Variants in CR1L observed in about 807,000 individuals in gnomAD.
The protein encoded by CR1L is complement C3b/C4b receptor 1 like, also known as complement component receptor 1-like protein.
Under a neutral mutation model 62.3 loss-of-function variants are expected in CR1L, and 59 were observed. The observed-to-expected ratio is 0.95, with a 90% CI of 0.77 to 1.18. CR1L has a LOEUF of 1.18. CR1L is among the 50% of genes most tolerant of loss of function. The pLI, the probability that CR1L is intolerant of heterozygous loss-of-function variation, is 0.00. For missense variants in CR1L, 700 were observed against 702.8 expected (o/e 1.00, Z 0.04); for synonymous variants, 279 against 248.7 (o/e 1.12, Z -1.15).
intron 10 of CR1L, 79 bp downstream of exon 10, chr1:207,708,342 T>C: frequency 6.5e-7 from 1 of 1,533,368 alleles, no homozygotes; most frequent in Non-Finnish European, 9.0e-7. Context: ...AGAATGAATC[T>C]CATCCCTCTT....
chr1:207,677,308 A>C (rs1243336436), intron 1 of CR1L, 81 bp from the exon 2 acceptor site: 2 of 38,566 alleles, frequency 5.2e-5, no homozygotes, highest in South Asian at 1.6e-3. Context: ...ACTCTGTCAC[A>C]AAAAAAAAAA....
chr1:207,712,268 A>G (rs1186494935), intron 10 of CR1L, among the ~76,000 whole-genome samples: 1 of 152,250 alleles, frequency 6.6e-6, no homozygotes, highest in Non-Finnish European at 1.5e-5. Context: ...TACCTGAATA[A>G]TGATGGTACA....
intron 4 of CR1L, among the ~76,000 whole-genome samples, chr1:207,687,195 A>C (rs1663924985): frequency 6.6e-6 from 1 of 152,188 alleles, no homozygotes; most frequent in African/African-American, 2.4e-5. Context: ...GCCAGCTGGT[A>C]GTGTTTCATA....
chr1:207,691,059 C>A (rs1323246291), intron 4 of CR1L, among the ~76,000 whole-genome samples: 1 of 152,214 alleles, frequency 6.6e-6, no homozygotes, highest in Non-Finnish European at 1.5e-5. Context: ...GGTTATTCAA[C>A]CCATTACAAT....
chr1:207,706,649 A>G (rs1295772212), intron 9 of CR1L, among the ~76,000 whole-genome samples: 1 of 152,220 alleles, frequency 6.6e-6, no homozygotes, highest in East Asian at 1.9e-4. Context: ...ACACAACACT[A>G]AATTGTAGAA....
Position 207,723,611 on chromosome 1 carries a change from CT to C in CR1L, c.1643-3del. On this transcript the variant is annotated splice_polypyrimidine_tract_variant and splice_region_variant and intron_variant, in intron 11 of 11. Transcript: ENST00000508064. ...TGATGTTTTTGTGACTTTTGTCTTC[CT>C]TTTAGGTTCACATGATGCTCTTATA... is the stretch of plus-strand genomic sequence containing the variant. 1 of 1,591,662 alleles carries C rather than the reference CT, an allele frequency of 6.3e-7. No homozygotes were observed. The highest frequency in any genetic ancestry group is 8.6e-7 in the Non-Finnish European group (1 of 1,167,004).
intron 3 of CR1L, among the ~76,000 whole-genome samples, chr1:207,682,530 A>G (rs2102461148): frequency 6.6e-6 from 1 of 152,340 alleles, no homozygotes; most frequent in East Asian, 1.9e-4. Context: ...AATAGCTACT[A>G]TAATGTAACA....
chr1:207,708,950 T>C (rs1253566626), intron 10 of CR1L: 1 of 359,080 alleles, frequency 2.8e-6, no homozygotes, highest in Admixed American at 3.8e-5. Flanking sequence ...TCAGATGAAA[T>C]TGGGTGCATT....
At chr1:207,668,518 G>A (rs1188077053) in intron 1 of CR1L, among the ~76,000 whole-genome samples, 1 of 150,958 alleles carries the variant, frequency 6.6e-6, no homozygotes, top group African/African-American at 2.5e-5. Flanking sequence ...GTTGGGGTAG[G>A]GAGAGACAAT....
chr1:207,707,628 A>G (rs1664287926), intron 9 of CR1L, among the ~76,000 whole-genome samples: 1 of 151,930 alleles, frequency 6.6e-6, no homozygotes. Flanking sequence ...ACTCCGTCTA[A>G]AAAAACAAAC....
rs114571128 is a variant in CR1L, at chr1:207,695,645, G to C, written c.862+894G>C. 2.3e-3 allele frequency among the ~76,000 whole-genome samples: 353 copies of C among 152,272 alleles called. 1 individual carries two copies. The highest frequency in any genetic ancestry group is 4.3e-3 in the Admixed American group (65 of 15,286). ...TTAGACTCTTCTCACATTGTATAAA[G>C]AACTACCTGAGACTGGGTAATTTAT... On this transcript the variant is annotated intron_variant, in intron 5 of 11. Transcript: ENST00000508064.
intron 1 of CR1L, among the ~76,000 whole-genome samples, chr1:207,660,810 C>T (rs1663407656): frequency 6.6e-6 from 1 of 152,180 alleles, no homozygotes; most frequent in Non-Finnish European, 1.5e-5. Flanking sequence ...TTACACACTG[C>T]TTTAAATGTG....
intron 1 of CR1L, among the ~76,000 whole-genome samples, chr1:207,646,181 G>T (rs974068484): frequency 3.3e-5 from 5 of 152,130 alleles, no homozygotes; most frequent in Admixed American, 3.3e-4. Flanking sequence ...GACAGTATCT[G>T]ATTCCATTGC....
intron 1 of CR1L, among the ~76,000 whole-genome samples, chr1:207,662,504 C>A (rs1663441659): frequency 6.6e-6 from 1 of 152,184 alleles, no homozygotes; most frequent in Non-Finnish European, 1.5e-5. Context: ...CCATCAGGTC[C>A]TTTAAGGACT....
At chr1:207,688,035 G>A (rs569600254) in intron 4 of CR1L, among the ~76,000 whole-genome samples, 24 of 152,282 alleles carry the variant, frequency 1.6e-4, no homozygotes, top group Non-Finnish European at 2.9e-4. Flanking sequence ...CACTTTGGGA[G>A]GCCAAGGCAG....
chr1:207,655,507 A>T (rs972322915), intron 1 of CR1L, among the ~76,000 whole-genome samples: 5 of 152,120 alleles, frequency 3.3e-5, no homozygotes, highest in Non-Finnish European at 1.5e-5. Flanking sequence ...GGGTACCAGT[A>T]TGTTTCCCAG....
At chr1:207,716,580 T>A (rs1654005092) in intron 10 of CR1L, among the ~76,000 whole-genome samples, 1 of 152,238 alleles carries the variant, frequency 6.6e-6, no homozygotes, top group Non-Finnish European at 1.5e-5. Context: ...AATTTGGATA[T>A]TTTATGGTGA....
At chr1:207,694,897 G>GGT (rs1251866512) in intron 5 of CR1L, 146 bp downstream of exon 5, 2 of 1,458,524 alleles carry the variant, frequency 1.4e-6, no homozygotes, top group African/African-American at 2.8e-5. Flanking sequence ...AAATTCAGAA[G>GGT]GTGTGTGTAC....
chr1:207,675,970 G>A (rs1334750581), intron 1 of CR1L, among the ~76,000 whole-genome samples: 1 of 152,178 alleles, frequency 6.6e-6, no homozygotes, highest in Non-Finnish European at 1.5e-5. Context: ...TTCCAACATT[G>A]GTGGCTGCTA....
Sources: gnomAD v4.1 joint callset for allele counts (sites outside exome capture counted in the v4.1 genomes callset) on GRCh38, gnomAD v4.1.1 for gene constraint, MANE v1.5 for transcripts, NCBI Gene and HGNC (gene_info 2026-07-23, HGNC 2026-07-21) for gene names.